Variants in RASEF observed in about 807,000 individuals in gnomAD.
The protein encoded by RASEF is ras and EF-hand domain-containing protein.
RASEF carries 68 observed loss-of-function variants against 90.1 expected under a neutral mutation model. That is an observed-to-expected ratio of 0.75 (90% CI 0.62 to 0.92). The LOEUF is 0.92. RASEF is among the 40% of genes least tolerant of loss of function. The pLI, the probability that RASEF is intolerant of heterozygous loss-of-function variation, is 0.00. For missense variants in RASEF, 949 were observed against 937.2 expected, an observed-to-expected ratio of 1.01 and a Z score of -0.16; for synonymous variants, 331 against 345.2, an observed-to-expected ratio of 0.96 and a Z score of 0.46.
chr9:83,062,942 A>C lies in RASEF; in HGVS notation c.-75T>G, dbSNP rs1336561074. On this transcript the variant is annotated 5_prime_UTR_variant, in exon 1 of 17. Coordinates refer to ENST00000376447, the MANE Select transcript of RASEF (RefSeq NM_152573.4). ...GGGCCCTCCCTGGAAGGACGGGGCC[A>C]CCTGCTGCCGCCGGGAGGCCCGGCG... The C allele has an allele frequency of 1.5e-6, 2 of 1,335,458 alleles. No homozygotes were observed. Among genetic ancestry groups the C allele is most frequent in the East Asian group, 6.1e-5 (2 of 32,678 alleles). The allele number at this position is 1,335,458 out of a possible 1,614,324, so 82.7% of individuals were successfully genotyped here. A position where few individuals can be genotyped will look rare whatever the true frequency, so the allele number is the denominator to read the frequency against.
intron 14 of RASEF, among the ~76,000 whole-genome samples, chr9:82,995,168 T>G (rs1467659920): frequency 6.6e-6 from 1 of 152,208 alleles, no homozygotes; most frequent in East Asian, 1.9e-4. Context: ...ACGTGTGAAG[T>G]TGCTTTGCAA....
the RASEF span, among the ~76,000 whole-genome samples, chr9:83,122,012 A>G: frequency 6.6e-6 from 1 of 152,238 alleles, no homozygotes; most frequent in South Asian, 2.1e-4. Flanking sequence ...ATTAATGCAG[A>G]TACAGTATTT....
chr9:83,144,910 T>C, the RASEF span, among the ~76,000 whole-genome samples: 2 of 152,182 alleles, frequency 1.3e-5, no homozygotes, highest in Admixed American at 1.3e-4. Context: ...CCAAATACTG[T>C]AAAATAGTGC....
the RASEF span, among the ~76,000 whole-genome samples, chr9:83,108,919 T>A: frequency 6.6e-6 from 1 of 152,160 alleles, no homozygotes. Flanking sequence ...GAGAAGCCTT[T>A]CTGAAAATGT....
intron 1 of RASEF, among the ~76,000 whole-genome samples, chr9:83,041,109 C>T (rs1398062719): frequency 6.6e-6 from 1 of 152,240 alleles, no homozygotes; most frequent in Non-Finnish European, 1.5e-5. Context: ...GATCCACCCG[C>T]CTGGGCCTCC....
chr9:83,030,116 C>T, intron 1 of RASEF, among the ~76,000 whole-genome samples: 1 of 152,116 alleles, frequency 6.6e-6, no homozygotes, highest in Non-Finnish European at 1.5e-5. Context: ...CCTGTAATCC[C>T]AGCACTTTGG....
chr9:83,063,055 C>G lies in RASEF; in HGVS notation c.-188G>C. ...GGGGTGGCCGAGCGGCTCCCTTCGA[C>G]GACGGTTCGGGCCAGCCCCCAACAG... On this transcript the variant is annotated 5_prime_UTR_variant, in exon 1 of 17. Coordinates refer to ENST00000376447, the MANE Select transcript of RASEF (RefSeq NM_152573.4). 1.6e-6 allele frequency: 1 copy of G among 611,500 alleles called. No individual in the cohort carries two copies. The allele number at this position is 611,500 out of a possible 1,614,324, so 37.9% of individuals were successfully genotyped here. A position where few individuals can be genotyped will look rare whatever the true frequency, so the allele number is the denominator to read the frequency against.
chr9:83,216,168 C>T, the RASEF span, among the ~76,000 whole-genome samples: 11 of 152,138 alleles, frequency 7.2e-5, no homozygotes, highest in Non-Finnish European at 1.5e-4. Context: ...AAAGAAAACC[C>T]CATTTTCTGG....
intron 1 of RASEF, chr9:83,048,511 T>C: frequency 8.1e-6 from 8 of 985,004 alleles, no homozygotes; most frequent in Non-Finnish European, 9.6e-6. Flanking sequence ...CCTCGTGCAG[T>C]CCTGGGCATA....
chr9:83,184,888 GT>G, the RASEF span, among the ~76,000 whole-genome samples: 1 of 152,136 alleles, frequency 6.6e-6, no homozygotes, highest in Non-Finnish European at 1.5e-5. Context: ...TGTTGTTGAG[GT>G]TTTATTTATT....
chr9:83,186,906 A>G, the RASEF span, among the ~76,000 whole-genome samples: 45 of 152,186 alleles, frequency 3.0e-4, no homozygotes, highest in Non-Finnish European at 3.5e-4. Flanking sequence ...ACCTTGGCCA[A>G]TTCTTAGAGA....
intron 1 of RASEF, among the ~76,000 whole-genome samples, chr9:83,030,616 T>C (rs566364697): frequency 3.3e-5 from 5 of 152,200 alleles, no homozygotes; most frequent in Non-Finnish European, 7.3e-5. Context: ...ACAGAAAATA[T>C]GTCACATGGT....
chr9:83,129,361 T>G, the RASEF span, among the ~76,000 whole-genome samples: 1 of 150,212 alleles, frequency 6.7e-6, no homozygotes, highest in Non-Finnish European at 1.5e-5. Flanking sequence ...GAGCTGAGAT[T>G]GCACCACTGC....
At chr9:83,209,163 A>C in the RASEF span, among the ~76,000 whole-genome samples, 2 of 152,294 alleles carry the variant, frequency 1.3e-5, no homozygotes, top group East Asian at 3.9e-4. Flanking sequence ...CCATTTGCTA[A>C]ATAATGAGGT....
the RASEF span, among the ~76,000 whole-genome samples, chr9:83,129,048 A>G: frequency 6.6e-6 from 1 of 152,238 alleles, no homozygotes; most frequent in African/African-American, 2.4e-5. Flanking sequence ...AACAAAAACA[A>G]AGATTAAAAA....
intron 1 of RASEF, among the ~76,000 whole-genome samples, chr9:83,044,227 G>A (rs779060894): frequency 6.6e-6 from 1 of 152,208 alleles, no homozygotes; most frequent in Non-Finnish European, 1.5e-5. Context: ...GAAGGAAGGA[G>A]TGAGAAGGAA....
chr9:83,056,418 A>G (rs895838442), intron 1 of RASEF, among the ~76,000 whole-genome samples: 1 of 152,202 alleles, frequency 6.6e-6, no homozygotes, highest in Non-Finnish European at 1.5e-5. Flanking sequence ...TTCTGACTAC[A>G]TACTGCACTC....
At chr9:83,111,193 A>G in the RASEF span, among the ~76,000 whole-genome samples, 7 of 144,236 alleles carry the variant, frequency 4.9e-5, no homozygotes, top group Admixed American at 3.4e-4. Context: ...TTAAAACTCA[A>G]TTGATAGATT....
At chr9:83,043,793 C>A (rs545501311) in intron 1 of RASEF, among the ~76,000 whole-genome samples, 3 of 152,126 alleles carry the variant, frequency 2.0e-5, no homozygotes, top group African/African-American at 7.2e-5. Flanking sequence ...TCTCGCTTCT[C>A]ATTTTCTCAG....
Sources: allele counts gnomAD v4.1 joint callset (sites outside exome capture counted in the v4.1 genomes callset), GRCh38; gene constraint gnomAD v4.1.1; transcripts MANE v1.5; gene names NCBI Gene and HGNC (gene_info 2026-07-23, HGNC 2026-07-21).